SCLT1: variants seen among roughly 807,000 people sequenced by gnomAD.
SCLT1 encodes sodium channel-associated protein 1.
In SCLT1, 78 loss-of-function variants were observed where a neutral mutation model predicts 112.8. The observed-to-expected ratio is 0.69, with a 90% CI of 0.58 to 0.83. SCLT1 has a LOEUF of 0.83. SCLT1 is among the 40% of genes least tolerant of loss of function. The pLI, the probability that SCLT1 is intolerant of heterozygous loss-of-function variation, is 0.00. For synonymous variants in SCLT1, 257 were observed against 254.7 expected (o/e 1.01, Z -0.09); for missense variants, 747 against 770.4 (o/e 0.97, Z 0.36).
At chr4:128,874,782 T>G (rs1469922801) in intron 4 of SCLT1, 2 of 152,634 alleles carry the variant, frequency 1.3e-5, no homozygotes, top group African/African-American at 4.8e-5. Context: ...GAAATATCTT[T>G]GATTATGATT....
intron 20 of SCLT1, 141 bp downstream of exon 20, chr4:128,888,538 A>T: frequency 1.9e-6 from 1 of 516,976 alleles, no homozygotes. Flanking sequence ...TCCAATGTTT[A>T]CTTTTTCAAC....
intron 1 of SCLT1, among the ~76,000 whole-genome samples, chr4:129,086,630 T>C (rs982967930): frequency 2.0e-5 from 3 of 152,092 alleles, no homozygotes; most frequent in African/African-American, 7.2e-5. Context: ...CAACCAATCA[T>C]GGCATGAGGT....
chr4:129,071,450 C>T (rs1022144687), intron 2 of SCLT1, among the ~76,000 whole-genome samples: 7 of 152,204 alleles, frequency 4.6e-5, no homozygotes, highest in African/African-American at 9.6e-5. Context: ...TATATAAATT[C>T]GGAAGCTCCA....
chr4:128,952,977 T>C, intron 13 of SCLT1, 137 bp from the exon 14 acceptor site: 1 of 600,178 alleles, frequency 1.7e-6, no homozygotes, highest in Non-Finnish European at 3.0e-6. Flanking sequence ...AAGCACATAA[T>C]ATATTAAAGA....
At chr4:129,027,713 A>G (rs1396599097) in intron 5 of SCLT1, among the ~76,000 whole-genome samples, 5 of 152,176 alleles carry the variant, frequency 3.3e-5, no homozygotes, top group South Asian at 2.1e-4. Flanking sequence ...AGGGTATTCA[A>G]TTAGGAAAAG....
intron 9 of SCLT1, among the ~76,000 whole-genome samples, chr4:128,986,028 T>C (rs565894789): frequency 6.6e-6 from 1 of 152,288 alleles, no homozygotes; most frequent in East Asian, 1.9e-4. Context: ...AAAAATCATG[T>C]GAGTGATCAC....
At chr4:128,971,847 C>T (rs1424137680) in intron 9 of SCLT1, 2 of 151,888 alleles carry the variant, frequency 1.3e-5, no homozygotes, top group African/African-American at 4.8e-5. Context: ...ATAGTGAAGC[C>T]CCATCTCTAC....
intron 2 of SCLT1, among the ~76,000 whole-genome samples, chr4:129,073,063 G>A (rs1751163248): frequency 6.6e-6 from 1 of 152,078 alleles, no homozygotes; most frequent in Admixed American, 6.6e-5. Context: ...TGTAGTGATT[G>A]CTATCTCTCT....
chr4:128,972,108 T>C (rs1451307689), intron 9 of SCLT1: 1 of 152,064 alleles, frequency 6.6e-6, no homozygotes, highest in Non-Finnish European at 1.5e-5. Flanking sequence ...ACATTATTCA[T>C]GTAAAATCTC....
rs536712148 is a variant in SCLT1 at position 128,989,223 on chromosome 4, T to C, written c.686+2944A>G. The stretch of plus-strand genomic sequence containing the variant: ...AACAGTCTCAAGGACAGAACATATA[T>C]TAGGCCATAAAACAAGTCCCCAAAA... On this transcript the variant is annotated intron_variant, in intron 9 of 20. Coordinates refer to ENST00000281142, the MANE Select transcript of SCLT1 (RefSeq NM_144643.4). Among the ~76,000 whole-genome samples the C allele has an allele frequency of 2.0e-5, 3 of 151,992 alleles. No homozygotes were observed. In the South Asian group the frequency reaches 6.2e-4, roughly 31 times the overall value.
intron 2 of SCLT1, among the ~76,000 whole-genome samples, chr4:129,057,760 C>CTT (rs34612288): frequency 2.1e-5 from 3 of 144,906 alleles, no homozygotes; most frequent in Non-Finnish European, 4.6e-5. Flanking sequence ...TTTTTTTTTT[C>CTT]TTTTTTTTTG....
At chr4:128,906,661 T>C (rs900772933) in intron 18 of SCLT1, among the ~76,000 whole-genome samples, 1 of 152,030 alleles carries the variant, frequency 6.6e-6, no homozygotes, top group African/African-American at 2.4e-5. Context: ...ATGGTTGAAA[T>C]TTCCTCACAA....
At chr4:129,006,912 A>T (rs1744078906) in intron 5 of SCLT1, among the ~76,000 whole-genome samples, 1 of 152,240 alleles carries the variant, frequency 6.6e-6, no homozygotes, top group Non-Finnish European at 1.5e-5. Flanking sequence ...TCCCTCTAAG[A>T]ATCGCCTTAG....
intron 5 of SCLT1, among the ~76,000 whole-genome samples, chr4:129,018,347 A>C (rs752694739): frequency 6.6e-6 from 1 of 152,244 alleles, no homozygotes; most frequent in Non-Finnish European, 1.5e-5. Flanking sequence ...ACCTGTTATT[A>C]TAATTGCACA....
rs1732727679 is a variant in SCLT1, at chr4:128,884,236, G to C, written c.*241C>G. 2.8e-6 allele frequency: 1 copy of C among 352,330 alleles called. No individual in the cohort carries two copies. The highest frequency in any genetic ancestry group is 5.1e-6 in the Non-Finnish European group (1 of 197,714). The allele number at this position is 352,330 out of a possible 1,614,324, so 21.8% of individuals were successfully genotyped here. On this transcript the variant is annotated 3_prime_UTR_variant, in exon 21 of 21. Transcript: ENST00000281142. ...TTAAAAAACAGACACATTGATGAAGGCAATGAGTTCTTCTCAGCTGGTTTA... is the reference window on the plus strand; with the variant it reads ...TTAAAAAACAGACACATTGATGAAGCCAATGAGTTCTTCTCAGCTGGTTTA...
chr4:128,911,418 T>C (rs745704592), intron 18 of SCLT1, among the ~76,000 whole-genome samples: 1 of 152,202 alleles, frequency 6.6e-6, no homozygotes, highest in Non-Finnish European at 1.5e-5. Context: ...TTGTGATACA[T>C]ACATTGCAAG....
At chr4:129,068,556 C>T (rs1470122397) in intron 2 of SCLT1, among the ~76,000 whole-genome samples, 1 of 152,034 alleles carries the variant, frequency 6.6e-6, no homozygotes, top group South Asian at 2.1e-4. Flanking sequence ...TGTTTGTTGG[C>T]CATTTGTATA....
chr4:128,996,715 A>G (rs1434512129), intron 8 of SCLT1, among the ~76,000 whole-genome samples: 2 of 152,052 alleles, frequency 1.3e-5, no homozygotes, highest in Non-Finnish European at 2.9e-5. Context: ...TTTATTCATC[A>G]TGCCATTTCT....
chr4:128,914,593 T>C (rs1322742743), intron 18 of SCLT1, among the ~76,000 whole-genome samples: 2 of 151,654 alleles, frequency 1.3e-5, no homozygotes, highest in Non-Finnish European at 2.9e-5. Flanking sequence ...AATATAGGAG[T>C]AGCGGGGATG....
Sources: gnomAD v4.1 joint callset for allele counts (sites outside exome capture counted in the v4.1 genomes callset) on GRCh38, gnomAD v4.1.1 for gene constraint, MANE v1.5 for transcripts, NCBI Gene and HGNC (gene_info 2026-07-23, HGNC 2026-07-21) for gene names.